NPSR1: variants seen among roughly 807,000 people sequenced by gnomAD.
NPSR1 encodes the protein neuropeptide S receptor.
In NPSR1, 48 loss-of-function variants were observed where a neutral mutation model predicts 46.9. The observed-to-expected ratio is 1.02, with a 90% CI of 0.81 to 1.30. The LOEUF is 1.30. NPSR1 is among the 50% of genes most tolerant of loss of function. The pLI is 0.00. For synonymous variants in NPSR1, 176 were observed against 168.1 expected (o/e 1.05, Z -0.36); for missense variants, 450 against 449.5 (o/e 1.00, Z -0.01).
chr7:34,791,216 TTA>T (rs1342465470), intron 3 of NPSR1, among the ~76,000 whole-genome samples: 5 of 109,092 alleles, frequency 4.6e-5, no homozygotes, highest in South Asian at 2.9e-4. Flanking sequence ...ATTATATATG[TTA>T]TATGTTATAT....
At position 34,750,426 on chromosome 7, in the gene NPSR1, G is replaced by A. The variant is rs112367649; in HGVS notation, c.281-28036G>A. ...GTGTTCGGATGCCGATGGGTAGTAC[G>A]ACGGGGCTCTGGTGTGACGAAGTCA... is the stretch of plus-strand genomic sequence containing the variant. On this transcript the variant is annotated intron_variant, in intron 2 of 8. Coordinates refer to ENST00000360581, the MANE Select transcript of NPSR1 (RefSeq NM_207172.2). 393 of 744,520 alleles carry A rather than the reference G, an allele frequency of 5.3e-4. 5 individuals are homozygous for A. Among genetic ancestry groups the A allele is most frequent in the African/African-American group, 4.8e-3 (281 of 58,334 alleles). 46.1% of individuals were successfully genotyped at this position (744,520 alleles called of 1,614,324 possible).
intron 2 of NPSR1, among the ~76,000 whole-genome samples, chr7:34,727,110 G>A (rs939799975): frequency 6.6e-6 from 1 of 152,136 alleles, no homozygotes; most frequent in Admixed American, 6.6e-5. Context: ...GGTTGTGCAT[G>A]TGTGGGAGCA....
chr7:34,789,087 ATATCT>A (rs1004635926), intron 3 of NPSR1, among the ~76,000 whole-genome samples: 6 of 152,078 alleles, frequency 3.9e-5, no homozygotes, highest in African/African-American at 1.4e-4. Flanking sequence ...AAAATTTAAA[ATATCT>A]TAAGATAAAT....
chr7:34,791,175 T>C (rs1409369697), intron 3 of NPSR1, among the ~76,000 whole-genome samples: 10 of 115,064 alleles, frequency 8.7e-5, no homozygotes, highest in Middle Eastern at 5.8e-3. Context: ...TGTTATATAT[T>C]ATATTATATA....
chr7:34,820,062 A>T (rs1304006371), intron 4 of NPSR1, among the ~76,000 whole-genome samples: 5 of 152,066 alleles, frequency 3.3e-5, no homozygotes, highest in East Asian at 1.9e-4. Flanking sequence ...ATGATAATTT[A>T]AAAAAAAGAA....
chr7:34,776,019 C>T (rs1341740107), intron 2 of NPSR1, among the ~76,000 whole-genome samples: 2 of 151,948 alleles, frequency 1.3e-5, no homozygotes, highest in African/African-American at 4.8e-5. Context: ...GTTTGATTTC[C>T]ATGTATTTGT....
At chr7:34,805,479 C>CA (rs57776086) in intron 3 of NPSR1, among the ~76,000 whole-genome samples, 5,536 of 71,382 alleles carry the variant, frequency 0.078, 339 homozygotes, top group African/African-American at 0.13. Flanking sequence ...TATCCACATG[C>CA]AAAAAAAAAA....
At chr7:34,840,293 C>T (rs1010316422) in intron 6 of NPSR1, among the ~76,000 whole-genome samples, 3 of 152,116 alleles carry the variant, frequency 2.0e-5, no homozygotes, top group African/African-American at 7.2e-5. Context: ...CAGAGTCAGG[C>T]ACAACGAGTG....
At chr7:34,696,035 A>G (rs1033499062) in intron 2 of NPSR1, among the ~76,000 whole-genome samples, 5 of 151,378 alleles carry the variant, frequency 3.3e-5, no homozygotes, top group Admixed American at 6.6e-5. Flanking sequence ...CACACTAGCA[A>G]AGTCAGGCAA....
chr7:34,778,791 C>T (rs895792224), intron 3 of NPSR1, among the ~76,000 whole-genome samples: 12 of 152,072 alleles, frequency 7.9e-5, no homozygotes, highest in African/African-American at 2.7e-4. Flanking sequence ...ATGCTAAGGA[C>T]ATAAAGCATT....
chr7:34,822,763 G>C (rs942430415), intron 4 of NPSR1, among the ~76,000 whole-genome samples: 28 of 152,028 alleles, frequency 1.8e-4, no homozygotes, highest in Admixed American at 1.4e-3. Flanking sequence ...ATTTTAGTTG[G>C]ATTGAAAAAA....
chr7:34,843,914 G>A (rs1790657241), intron 6 of NPSR1, among the ~76,000 whole-genome samples: 1 of 152,210 alleles, frequency 6.6e-6, no homozygotes, highest in South Asian at 2.1e-4. Flanking sequence ...CCCACTGGGT[G>A]GCTCCTGGCT....
intron 2 of NPSR1, among the ~76,000 whole-genome samples, chr7:34,775,936 C>G (rs1019070325): frequency 3.2e-4 from 49 of 152,092 alleles, no homozygotes; most frequent in African/African-American, 1.1e-3. Flanking sequence ...TTTCTATTAT[C>G]ATTTGTTTCA....
intron 2 of NPSR1, among the ~76,000 whole-genome samples, chr7:34,700,905 T>C (rs879809255): frequency 4.6e-5 from 7 of 152,254 alleles, no homozygotes; most frequent in Non-Finnish European, 1.0e-4. Flanking sequence ...CTGTGAATGC[T>C]ACTGCTATAG....
At chr7:34,752,380 C>T (rs1785584291) in intron 2 of NPSR1, among the ~76,000 whole-genome samples, 1 of 152,070 alleles carries the variant, frequency 6.6e-6, no homozygotes, top group African/African-American at 2.4e-5. Context: ...TTTGTGGAGG[C>T]CTAAGGAGTT....
intron 3 of NPSR1, among the ~76,000 whole-genome samples, chr7:34,790,682 A>G (rs572476560): frequency 2.1e-5 from 3 of 141,706 alleles, no homozygotes; most frequent in Admixed American, 7.8e-5. Context: ...TATATGTTCT[A>G]TGTTATATAT....
intron 6 of NPSR1, among the ~76,000 whole-genome samples, chr7:34,842,987 T>C (rs1420758626): frequency 6.6e-6 from 1 of 152,194 alleles, no homozygotes; most frequent in African/African-American, 2.4e-5. Context: ...TGGCTGAGGA[T>C]GTTCACTCTC....
intron 6 of NPSR1, among the ~76,000 whole-genome samples, chr7:34,842,614 C>T (rs766691564): frequency 3.3e-5 from 5 of 152,320 alleles, no homozygotes; most frequent in African/African-American, 4.8e-5. Flanking sequence ...TCCCATGAAA[C>T]GCACAGAATA....
At position 34,768,690 on chromosome 7, in the gene NPSR1, GA is replaced by G. The variant is rs761016653; in HGVS notation, c.281-9770del. Reference sequence around the variant, plus strand: ...ATACTCAGTCTTTACTTGCTGCAGGGAAGATCAATTTGGCAGGTCCAGCACT... The same window carrying G: ...ATACTCAGTCTTTACTTGCTGCAGGGAGATCAATTTGGCAGGTCCAGCACT... On this transcript the variant is annotated intron_variant, in intron 2 of 8. Coordinates refer to ENST00000360581, the MANE Select transcript of NPSR1 (RefSeq NM_207172.2). Among the ~76,000 whole-genome samples the G allele has an allele frequency of 5.9e-5, 9 of 152,268 alleles. No individual in the cohort carries two copies. In the East Asian group the frequency reaches 1.3e-3, roughly 23 times the overall value.
Sources: allele counts gnomAD v4.1 joint callset (sites outside exome capture counted in the v4.1 genomes callset), GRCh38; gene constraint gnomAD v4.1.1; transcripts MANE v1.5; gene names NCBI Gene and HGNC (gene_info 2026-07-23, HGNC 2026-07-21).